KBTBD4: variants seen among roughly 807,000 people sequenced by gnomAD.
KBTBD4 encodes kelch repeat and BTB domain containing 4, also known as kelch repeat and BTB domain-containing protein 4.
KBTBD4 carries 30 observed loss-of-function variants against 43.9 expected under a neutral mutation model. That is an observed-to-expected ratio of 0.68 (90% CI 0.51 to 0.93). The LOEUF (loss-of-function observed/expected upper bound fraction) is 0.93, where lower values mean the gene tolerates loss of function less well. Ranked by LOEUF, KBTBD4 falls within the 40% of genes least tolerant of loss-of-function variation. The probability of loss-of-function intolerance (pLI) is 0.00; values close to 1 mark genes in which losing one functional copy is unlikely to be tolerated. For missense variants in KBTBD4, 575 were observed against 668.8 expected, an observed-to-expected ratio of 0.86 and a Z score of 1.55; for synonymous variants, 258 against 256.9, an observed-to-expected ratio of 1.00 and a Z score of -0.04.
Position 47,575,692 on chromosome 11 carries a change from A to T in KBTBD4, c.645T>A (p.Val215=). The change falls in exon 3 of 4, where the codon GTT becomes GTA. Residue 215 remains valine (V), a synonymous_variant. Coordinates refer to ENST00000430070, the MANE Select transcript of KBTBD4 (RefSeq NM_018095.6). ...RLLTDIISDG[V]PCSQNPTEAI... is the part of the protein sequence containing the mutation. ...CCTCTGTTGGGTTCTGAGAACACGG[A>T]ACTCCATCTGTGAGAGCCAGAGGAA... 6.2e-7 allele frequency: 1 copy of T among 1,602,686 alleles called. No individual in the cohort carries two copies. Among genetic ancestry groups the T allele is most frequent in the African/African-American group, 1.3e-5 (1 of 74,370 alleles).
rs1398355072 is a variant in KBTBD4, at chr11:47,577,543, G to A, written c.505C>T (p.Leu169=). The change falls in exon 2 of 4, where the codon CTG becomes TTG. Residue 169 remains leucine (L), a synonymous_variant. Transcript: ENST00000430070. ...QVGNCLQVMW[L]ADRHSDPELY... is the part of the protein sequence containing the mutation. ...TCAGGATCACTGTGCCGATCTGCCAGCCACATCACCTGAAGGCAGTTTCCC... is the reference window on the plus strand; with the variant it reads ...TCAGGATCACTGTGCCGATCTGCCAACCACATCACCTGAAGGCAGTTTCCC... 1 of 1,614,058 alleles carries A rather than the reference G, an allele frequency of 6.2e-7. No homozygotes were observed. The highest frequency in any genetic ancestry group is 1.3e-5 in the African/African-American group (1 of 74,912).
In KBTBD4 at chr11:47,573,715, G is replaced by A. The variant is rs745558885; in HGVS notation, c.820C>T (p.His274Tyr). 1.2e-6 allele frequency: 2 copies of A among 1,603,920 alleles called. No individual in the cohort carries two copies. Among genetic ancestry groups the A allele is most frequent in the East Asian group, 2.2e-5 (1 of 44,794 alleles). Residue 274 changes from histidine (H) to tyrosine (Y), a missense_variant, in exon 4 of 4, where the codon CAC becomes TAC. By Grantham distance (83) the His-to-Tyr change is moderately conservative. Coordinates refer to ENST00000430070, the MANE Select transcript of KBTBD4 (RefSeq NM_018095.6). The surrounding 1 kb of genome is among the most constrained non-coding windows in gnomAD (Gnocchi z 4.1). Reference sequence around the variant, plus strand: ...CTGATGGAGTCATCTTCTGCACAGTGCAAGGACACAGCCAACGAGTGGGTA... The same window carrying A: ...CTGATGGAGTCATCTTCTGCACAGTACAAGGACACAGCCAACGAGTGGGTA... ...SRTHSLAVSL[H>Y]CAEDDSISVS...
chr11:47,573,339 A>T lies in KBTBD4; in HGVS notation c.1196T>A (p.Leu399Gln). The T allele has an allele frequency of 2.5e-6, 4 of 1,614,148 alleles. No individual in the cohort carries two copies. Among genetic ancestry groups the T allele is most frequent in the Non-Finnish European group, 3.4e-6 (4 of 1,180,010 alleles). ...GTCCAGATCATTCTCCTCCCCCCCT[A>T]GTAAGTAGATGATCCCGTTGAGGTT... is the stretch of plus-strand genomic sequence containing the variant. ...GANLNGIIYL[L>Q]GGEENDLDFF... Residue 399 changes from leucine (L) to glutamine (Q), a missense_variant, in exon 4 of 4, where the codon CTA (leucine) becomes CAA (glutamine). By Grantham distance (113) the Leu-to-Gln change is moderately radical. Transcript: ENST00000430070. This position sits in a 1 kb window ranked among gnomAD's most constrained non-coding sequence, Gnocchi z 4.1.
Position 47,577,608 on chromosome 11 carries a change from AAGAG to A in KBTBD4, c.436_439del (p.Phe147ArgfsTer19). 1 of 1,614,192 alleles carries A rather than the reference AAGAG, an allele frequency of 6.2e-7. No individual in the cohort carries two copies. Among genetic ancestry groups the A allele is most frequent in the South Asian group, 1.1e-5 (1 of 91,080 alleles). On this transcript the variant is annotated frameshift_variant, in exon 2 of 4. Transcript: ENST00000430070. LOFTEE classifies it high-confidence loss of function. ...GGCCAAAAACCGAGAGCATTCCTCA[AAGAG>A]AGATGTCAGCTGATACATGTCTGAC... is the stretch of plus-strand genomic sequence containing the variant.
chr11:47,572,771 G>T lies in KBTBD4; in HGVS notation c.*159C>A. The T allele has an allele frequency of 1.3e-6, 1 of 745,252 alleles. No homozygotes were observed. Among genetic ancestry groups the T allele is most frequent in the Non-Finnish European group, 2.1e-6 (1 of 466,632 alleles). The allele number at this position is 745,252 out of a possible 1,614,324, so 46.2% of individuals were successfully genotyped here. ...CAGCTGAGCAGCAGCAGTCTAAAAA[G>T]CCCCAAACAGAACACCTCCATGGAT... is the stretch of plus-strand genomic sequence containing the variant. On this transcript the variant is annotated 3_prime_UTR_variant, in exon 4 of 4. Coordinates refer to ENST00000430070, the MANE Select transcript of KBTBD4 (RefSeq NM_018095.6).
At chr11:47,574,342 C>T (rs1334887596) in intron 3 of KBTBD4, among the ~76,000 whole-genome samples, 2 of 151,786 alleles carry the variant, frequency 1.3e-5, no homozygotes, top group African/African-American at 4.8e-5. Context: ...ACTAAAAATA[C>T]AAAAATTAGC....
In KBTBD4 at chr11:47,573,017, G is replaced by A; in HGVS notation, c.1518C>T (p.Thr506=). 1 of 1,614,156 alleles carries A rather than the reference G, an allele frequency of 6.2e-7. No homozygotes were observed. The change falls in exon 4 of 4, where the codon ACC becomes ACT. Residue 506 remains threonine, a synonymous_variant. Transcript: ENST00000430070. This position sits in a 1 kb window ranked among gnomAD's most constrained non-coding sequence, Gnocchi z 4.1. ...CTGAAGTGGCAGGGTCAAGCTTGTA[G>A]GTGTTGGCATCCCCCTTTTTATATC... ...RDRYKKGDAN[T]YKLDPATSAV...
At chr11:47,577,357 A>G in intron 2 of KBTBD4, 54 bp downstream of exon 2, 1 of 1,514,136 alleles carries the variant, frequency 6.6e-7, no homozygotes, top group South Asian at 1.3e-5. Flanking sequence ...TAGAACATTC[A>G]CTGAACATCA....
chr11:47,578,583 G>T (rs1414650196), intron 1 of KBTBD4: 4 of 706,058 alleles, frequency 5.7e-6, no homozygotes, highest in African/African-American at 5.2e-5. Context: ...TTCCCCGCTC[G>T]CTCGAAAGAC....
intron 1 of KBTBD4, chr11:47,578,586 C>T (rs909894443): frequency 2.8e-6 from 2 of 708,218 alleles, no homozygotes; most frequent in South Asian, 3.0e-5. Flanking sequence ...CCCGCTCGCT[C>T]GAAAGACTCC....
chr11:47,575,786 T>G (rs1197851776), intron 2 of KBTBD4, 87 bp from the exon 3 acceptor site: 1 of 782,960 alleles, frequency 1.3e-6, no homozygotes, highest in African/African-American at 1.7e-5. Flanking sequence ...AACCACTTTA[T>G]TAGACTACTG....
chr11:47,576,965 C>T (rs1302851062), intron 2 of KBTBD4, among the ~76,000 whole-genome samples: 1 of 152,180 alleles, frequency 6.6e-6, no homozygotes, highest in African/African-American at 2.4e-5. Context: ...GTGTGAGCCA[C>T]CATGCCTGGC....
In KBTBD4 at chr11:47,578,964, A is replaced by T. The variant is rs1284926490; in HGVS notation, c.-13T>A. The T allele has an allele frequency of 1.3e-6, 2 of 1,551,660 alleles. No homozygotes were observed. Among genetic ancestry groups the T allele is most frequent in the Non-Finnish European group, 1.7e-6 (2 of 1,146,996 alleles). On this transcript the variant is annotated 5_prime_UTR_variant, in exon 1 of 4. Transcript: ENST00000430070. ...TCCCTCCTTTCATCCCGGAGCCCGG[A>T]ACCTCCGCTTCCGGCTCCACGTCCG...
chr11:47,575,499 T>G, intron 3 of KBTBD4, 94 bp downstream of exon 3: 1 of 782,266 alleles, frequency 1.3e-6, no homozygotes, highest in Middle Eastern at 2.8e-4. Flanking sequence ...AGAGCAAGAC[T>G]CCATCTCAAA....
rs1052532357 is a variant in KBTBD4, at chr11:47,578,593, C to T, written c.19+340G>A. 8.4e-6 allele frequency: 6 copies of T among 710,062 alleles called. No homozygotes were observed. In the African/African-American group the frequency reaches 8.7e-5, roughly 10 times the overall value. The allele number at this position is 710,062 out of a possible 1,614,324, so 44.0% of individuals were successfully genotyped here. On this transcript the variant is annotated intron_variant, in intron 1 of 3. Transcript: ENST00000430070. Reference sequence around the variant, plus strand: ...CACACTTCCCCGCTCGCTCGAAAGACTCCCTATGGCTGCGTCCCAGAACTT... The same window carrying T: ...CACACTTCCCCGCTCGCTCGAAAGATTCCCTATGGCTGCGTCCCAGAACTT...
intron 2 of KBTBD4, among the ~76,000 whole-genome samples, 194 bp downstream of exon 2, chr11:47,577,217 C>T (rs1194618997): frequency 6.6e-6 from 1 of 152,188 alleles, no homozygotes; most frequent in Non-Finnish European, 1.5e-5. Context: ...CTTCCTCTAA[C>T]GCACTGTGTC....
At position 47,573,502 on chromosome 11, in the gene KBTBD4, T is replaced by G. The variant is rs1457096443; in HGVS notation, c.1033A>C (p.Lys345Gln). ...CCACCCAGTGAATATATGGCATCTT[T>G]CCCGGGCACAGACACCAGGGTGTGC... ...LQHTLVSVPG[K>Q]DAIYSLGGKT... is the part of the protein sequence containing the mutation. The change falls in exon 4 of 4, where the codon AAA becomes CAA. Residue 345 changes from lysine to glutamine, a missense_variant. Lys to Gln is a moderately conservative substitution (Grantham distance 53). Coordinates refer to ENST00000430070, the MANE Select transcript of KBTBD4 (RefSeq NM_018095.6). This position sits in a 1 kb window ranked among gnomAD's most constrained non-coding sequence, Gnocchi z 4.1. 1.9e-6 allele frequency: 3 copies of G among 1,614,146 alleles called. No homozygotes were observed. The highest frequency in any genetic ancestry group is 3.3e-5 in the Admixed American group (2 of 60,018).
chr11:47,573,575 G>T lies in KBTBD4; in HGVS notation c.960C>A (p.Ala320=). The T allele has an allele frequency of 6.2e-7, 1 of 1,614,182 alleles. No individual in the cohort carries two copies. Among genetic ancestry groups the T allele is most frequent in the Non-Finnish European group, 8.5e-7 (1 of 1,180,024 alleles). The change falls in exon 4 of 4, where the codon GCC becomes GCA. Residue 320 remains alanine, a synonymous_variant. Transcript: ENST00000430070. This position sits in a 1 kb window ranked among gnomAD's most constrained non-coding sequence, Gnocchi z 4.1. ...GAGCACACCACTCCCAGTCAACGGT[G>T]GCATTGTTGCACTTCCACATGCGCC... ...IPRRMWKCNN[A]TVDWEWCAPL...
intron 2 of KBTBD4, 96 bp downstream of exon 2, chr11:47,577,315 C>G (rs923966832): frequency 3.3e-6 from 4 of 1,227,742 alleles, no homozygotes; most frequent in African/African-American, 1.5e-5. Context: ...TAAACTAACA[C>G]CAGGAAGCTT....
Sources: allele counts gnomAD v4.1 joint callset (sites outside exome capture counted in the v4.1 genomes callset), GRCh38; gene constraint gnomAD v4.1.1; non-coding constraint Gnocchi (gnomAD v3.1); transcripts MANE v1.5; gene names NCBI Gene and HGNC (gene_info 2026-07-23, HGNC 2026-07-21).